The following HERC2 variants were observed in gnomAD, a reference collection of about 807,000 sequenced individuals.
The protein encoded by HERC2 is HECT and RLD domain containing E3 ubiquitin protein ligase 2, also known as E3 ubiquitin-protein ligase HERC2.
In HERC2, 102 loss-of-function variants were observed where a neutral mutation model predicts 537.7. The observed-to-expected ratio is 0.19, with a 90% confidence interval of 0.16 to 0.22. HERC2 has a LOEUF of 0.22. Among genes scored for constraint, HERC2 ranks in the 10% least tolerant of loss-of-function variants. The pLI, the probability that HERC2 is intolerant of heterozygous loss-of-function variation, is 1.00. For missense variants in HERC2, 4,236 were observed against 6,198.2 expected (o/e 0.68, Z 10.63); for synonymous variants, 2,224 against 2,466.2 (o/e 0.90, Z 2.91).
In HERC2 at chr15:28,198,395, C is replaced by G. The variant is rs769947695; in HGVS notation, c.7994G>C (p.Ser2665Thr). The change falls in exon 50 of 93, where the codon AGT (serine) becomes ACT (threonine). Residue 2665 changes from serine to threonine, a missense_variant. Physicochemically the swap from Ser to Thr is moderately conservative, Grantham distance 58. This residue lies in a region of HERC2 where 606 missense variants were observed against 884.5 expected (regional missense o/e 0.69). Transcript: ENST00000261609. Reference sequence around the variant, plus strand: ...AATATTACCTTTCACAACCCCCACACTCTGATGAGTCACAGATCCCCATTT... The same window carrying G: ...AATATTACCTTTCACAACCCCCACAGTCTGATGAGTCACAGATCCCCATTT... The part of the protein sequence containing the change: ...KYKWGSVTHQ[S>T]VGVVKAFSAN... 1 of 1,612,694 alleles carries G rather than the reference C, an allele frequency of 6.2e-7. No homozygotes were observed. Among genetic ancestry groups the G allele is most frequent in the Admixed American group, 1.7e-5 (1 of 60,012 alleles).
chr15:28,198,742 C>T lies in HERC2; in HGVS notation c.7744G>A (p.Ala2582Thr), dbSNP rs755164619. 1.6e-5 allele frequency: 26 copies of T among 1,613,502 alleles called. No homozygotes were observed. In the East Asian group the frequency reaches 1.8e-4, roughly 11 times the overall value. ...TCACCTTCGCACACTTCTTCATACG[C>T]TCGGCAGCATCTAACCATCATTCCC... ...QVGMMVRCCR[A>T]YEEVCEGDVG... is the part of the protein sequence containing the mutation. Residue 2582 changes from alanine (A) to threonine (T), a missense_variant, in exon 49 of 93, where the codon GCG (alanine) becomes ACG (threonine). By Grantham distance (58) the Ala-to-Thr change is moderately conservative. This residue lies in a region of HERC2 where 606 missense variants were observed against 884.5 expected (regional missense o/e 0.69). Transcript: ENST00000261609.
chr15:28,306,862 T>C (rs1265425753), intron 2 of HERC2, among the ~76,000 whole-genome samples: 1 of 152,194 alleles, frequency 6.6e-6, no homozygotes, highest in Non-Finnish European at 1.5e-5. Context: ...GAAGACACAG[T>C]CTCACTCTGT....
chr15:28,149,237 A>T (rs1341756484), intron 70 of HERC2, among the ~76,000 whole-genome samples: 1 of 151,928 alleles, frequency 6.6e-6, no homozygotes, highest in African/African-American at 2.4e-5. Flanking sequence ...AACTGAAAAC[A>T]TCACCGAAAA....
At chr15:28,188,732 G>C (rs935264265) in intron 55 of HERC2, among the ~76,000 whole-genome samples, 1 of 152,052 alleles carries the variant, frequency 6.6e-6, no homozygotes, top group Non-Finnish European at 1.5e-5. Flanking sequence ...GTTGATAAAT[G>C]TTGAAGCTGG....
In HERC2 at chr15:28,262,992, T is replaced by C. The variant is rs2075455310; in HGVS notation, c.2048A>G (p.Lys683Arg). The change falls in exon 15 of 93, where the codon AAA (lysine) becomes AGA (arginine). Residue 683 changes from lysine (K) to arginine (R), a missense_variant. This residue lies in a region of HERC2 where 754 missense variants were observed against 1,085.0 expected (regional missense o/e 0.69). Coordinates refer to ENST00000261609, the MANE Select transcript of HERC2 (RefSeq NM_004667.6). ...ATGTCCAAGTCTCTGGTTGTCACCT[T>C]TTCCCCATGAATAAACTTGGCCATC... is the stretch of plus-strand genomic sequence containing the variant. The part of the protein sequence containing the change: ...TKDGQVYSWG[K>R]GDNQRLGHGT... The C allele has an allele frequency of 5.0e-6, 8 of 1,614,220 alleles. No individual in the cohort carries two copies. The highest frequency in any genetic ancestry group is 6.8e-6 in the Non-Finnish European group (8 of 1,180,046).
At chr15:28,274,737 G>A (rs988865831) in intron 6 of HERC2, among the ~76,000 whole-genome samples, 168 bp downstream of exon 6, 1 of 152,166 alleles carries the variant, frequency 6.6e-6, no homozygotes, top group South Asian at 2.1e-4. Flanking sequence ...AAGCACAGAT[G>A]TGAAAAGCCA....
intron 69 of HERC2, among the ~76,000 whole-genome samples, chr15:28,160,005 C>T (rs1893412604): frequency 1.3e-5 from 2 of 152,230 alleles, no homozygotes; most frequent in South Asian, 2.1e-4. Context: ...CACTCCCAGA[C>T]TCTGTTTGCC....
chr15:28,299,351 C>T, intron 3 of HERC2, 51 bp downstream of exon 3: 2 of 707,790 alleles, frequency 2.8e-6, no homozygotes, highest in Non-Finnish European at 5.0e-6. Context: ...CTATAAAATG[C>T]ATTTTATAAT....
chr15:28,288,633 G>A (rs1204556934), intron 4 of HERC2, among the ~76,000 whole-genome samples: 2 of 151,188 alleles, frequency 1.3e-5, no homozygotes, highest in Admixed American at 6.6e-5. Flanking sequence ...ATCACCTAAG[G>A]TCAGGAGTTC....
intron 35 of HERC2, among the ~76,000 whole-genome samples, chr15:28,223,406 C>T (rs1900739226): frequency 6.6e-6 from 1 of 152,134 alleles, no homozygotes; most frequent in Non-Finnish European, 1.5e-5. Context: ...TTGTGTTTCT[C>T]TCTCTTCCAA....
chr15:28,204,888 TATA>T (rs1268979357), intron 45 of HERC2, among the ~76,000 whole-genome samples: 3 of 152,190 alleles, frequency 2.0e-5, no homozygotes, highest in African/African-American at 7.2e-5. Context: ...GTAACAGATG[TATA>T]ATAGTATTTC....
At chr15:28,273,709 A>C (rs2075799535) in intron 7 of HERC2, among the ~76,000 whole-genome samples, 1 of 152,218 alleles carries the variant, frequency 6.6e-6, no homozygotes, top group African/African-American at 2.4e-5. Context: ...GACCTCTGCA[A>C]GGAGAGTGAG....
intron 70 of HERC2, among the ~76,000 whole-genome samples, chr15:28,150,363 G>A (rs1029069212): frequency 1.3e-5 from 2 of 148,862 alleles, no homozygotes; most frequent in Non-Finnish European, 3.0e-5. Flanking sequence ...GAACATCACC[G>A]AGAACAGCCG....
chr15:28,310,054 C>A (rs970770911), intron 2 of HERC2, among the ~76,000 whole-genome samples: 1 of 152,164 alleles, frequency 6.6e-6, no homozygotes, highest in Non-Finnish European at 1.5e-5. Flanking sequence ...TCTCTAATCC[C>A]AGCACCTTGG....
intron 87 of HERC2, 32 bp downstream of exon 87, chr15:28,116,981 C>A (rs1194948692): frequency 1.2e-6 from 2 of 1,613,702 alleles, no homozygotes; most frequent in East Asian, 4.5e-5. Context: ...CTGCCGGGGA[C>A]ACAGGTGCTC....
chr15:28,277,671 G>A (rs1371518059), intron 5 of HERC2, among the ~76,000 whole-genome samples: 1 of 152,052 alleles, frequency 6.6e-6, no homozygotes, highest in Non-Finnish European at 1.5e-5. Context: ...AGCACCTACC[G>A]CCGACCCGTA....
Position 28,132,241 on chromosome 15 carries a change from G to A in HERC2, c.12429C>T (p.His4143=), listed in dbSNP as rs767025067. The A allele has an allele frequency of 3.1e-6, 5 of 1,612,372 alleles. No homozygotes were observed. The highest frequency in any genetic ancestry group is 4.2e-6 in the Non-Finnish European group (5 of 1,178,858). The part of the protein sequence containing the change: ...KPKLVEALQG[H]RVVDIACGSG... Reference sequence around the variant, plus strand: ...TGCCACAGGCGATGTCAACCACACGGTGGCCCTGCAGCGCCTCCACCTTCA... The same window carrying A: ...TGCCACAGGCGATGTCAACCACACGATGGCCCTGCAGCGCCTCCACCTTCA... The change falls in exon 81 of 93, where the codon CAC becomes CAT. Residue 4143 remains histidine (H), a synonymous_variant. Coordinates refer to ENST00000261609, the MANE Select transcript of HERC2 (RefSeq NM_004667.6).
intron 55 of HERC2, 68 bp from the exon 56 acceptor site, chr15:28,186,820 C>T (rs932408082): frequency 1.3e-5 from 15 of 1,182,944 alleles, no homozygotes; most frequent in East Asian, 4.7e-5. Flanking sequence ...AACTGGAGAA[C>T]GGGATGTGTG....
At chr15:28,175,121 AAG>A (rs1327083864) in intron 64 of HERC2, among the ~76,000 whole-genome samples, 1 of 151,884 alleles carries the variant, frequency 6.6e-6, no homozygotes, top group Admixed American at 6.6e-5. Context: ...CTCCAAGCAG[AAG>A]AGAGTGTAAC....
Sources: gnomAD v4.1 joint callset for allele counts (sites outside exome capture counted in the v4.1 genomes callset) on GRCh38, gnomAD v4.1.1 for gene constraint, gnomAD v4.1.1 regional missense constraint, MANE v1.5 for transcripts, NCBI Gene and HGNC (gene_info 2026-07-23, HGNC 2026-07-21) for gene names.